Variants in AP3B1 observed in about 807,000 individuals in gnomAD.
AP3B1 encodes adaptor related protein complex 3 subunit beta 1, also known as AP-3 complex subunit beta-1.
Under a neutral mutation model 132.5 loss-of-function variants are expected in AP3B1, and 61 were observed. The observed-to-expected ratio is 0.46, with a 90% CI of 0.37 to 0.57. AP3B1 has a LOEUF of 0.57. Ranked by LOEUF, AP3B1 falls within the 20% of genes least tolerant of loss-of-function variation. AP3B1 has a pLI of 0.00. For synonymous variants in AP3B1, 388 were observed against 438.3 expected (o/e 0.89, Z 1.43); for missense variants, 1,120 against 1,289.4 (o/e 0.87, Z 2.01).
chr5:78,038,749 G>C (rs1258603210), intron 23 of AP3B1, among the ~76,000 whole-genome samples: 1 of 152,174 alleles, frequency 6.6e-6, no homozygotes, highest in Non-Finnish European at 1.5e-5. Context: ...GATGGGGAAA[G>C]GTGACACAGG....
intron 2 of AP3B1, among the ~76,000 whole-genome samples, chr5:78,241,267 T>A (rs906551199): frequency 6.6e-6 from 1 of 151,640 alleles, no homozygotes; most frequent in African/African-American, 2.4e-5. Context: ...GGCTCAATCA[T>A]AGCTCACGGC....
intron 1 of AP3B1, among the ~76,000 whole-genome samples, chr5:78,276,414 G>A (rs1748778228): frequency 6.6e-6 from 1 of 152,122 alleles, no homozygotes; most frequent in African/African-American, 2.4e-5. Context: ...CATAACTTGT[G>A]GGATGCAGCT....
intron 7 of AP3B1, among the ~76,000 whole-genome samples, chr5:78,212,293 CAAA>C (rs1313710161): frequency 6.6e-6 from 1 of 151,854 alleles, no homozygotes; most frequent in Non-Finnish European, 1.5e-5. Flanking sequence ...AAAAGGAAAA[CAAA>C]GAAGAAAAGA....
chr5:78,070,735 A>G (rs1012457840), intron 22 of AP3B1, among the ~76,000 whole-genome samples: 1 of 151,820 alleles, frequency 6.6e-6, no homozygotes, highest in Non-Finnish European at 1.5e-5. Context: ...AAAAAAAAAC[A>G]TTAAAAAGTG....
At chr5:78,185,099 C>A (rs1025586693) in intron 7 of AP3B1, among the ~76,000 whole-genome samples, 22 of 152,206 alleles carry the variant, frequency 1.4e-4, no homozygotes, top group African/African-American at 5.3e-4. Flanking sequence ...AAAAGAGAAT[C>A]TTATATCTAG....
intron 2 of AP3B1, among the ~76,000 whole-genome samples, chr5:78,249,905 G>T (rs1169939075): frequency 6.6e-6 from 1 of 152,064 alleles, no homozygotes; most frequent in Non-Finnish European, 1.5e-5. Flanking sequence ...CTAATGATCT[G>T]TCTTCAACTT....
chr5:78,079,524 C>A (rs1445978412), intron 22 of AP3B1, among the ~76,000 whole-genome samples: 1 of 151,728 alleles, frequency 6.6e-6, no homozygotes, highest in African/African-American at 2.4e-5. Flanking sequence ...ACGGTATATA[C>A]AAAGATTGAT....
chr5:78,216,717 T>C (rs1745977966), intron 6 of AP3B1, among the ~76,000 whole-genome samples: 2 of 152,150 alleles, frequency 1.3e-5, no homozygotes, highest in Non-Finnish European at 2.9e-5. Context: ...TTCATAAATT[T>C]TAATAGAAGA....
chr5:78,193,766 A>T (rs1279693711), intron 7 of AP3B1, among the ~76,000 whole-genome samples: 1,197 of 98,272 alleles, frequency 0.012, 36 homozygotes, highest in African/African-American at 0.037. Flanking sequence ...ATATATATAT[A>T]TATATTTTTT....
At chr5:78,149,989 C>T (rs1753577283) in intron 14 of AP3B1, among the ~76,000 whole-genome samples, 2 of 151,716 alleles carry the variant, frequency 1.3e-5, no homozygotes, top group African/African-American at 2.4e-5. Context: ...TACTAACACC[C>T]TAAGGGAAAG....
At chr5:78,106,793 T>G (rs1482557449) in intron 20 of AP3B1, among the ~76,000 whole-genome samples, 1 of 152,166 alleles carries the variant, frequency 6.6e-6, no homozygotes, top group Non-Finnish European at 1.5e-5. Flanking sequence ...TAGTCAGAGA[T>G]AATTCTGGGG....
intron 14 of AP3B1, among the ~76,000 whole-genome samples, chr5:78,152,595 G>A (rs1363703014): frequency 6.6e-6 from 1 of 151,834 alleles, no homozygotes; most frequent in East Asian, 1.9e-4. Context: ...GGTTTGGTTT[G>A]TTCTTGCTTT....
intron 15 of AP3B1, among the ~76,000 whole-genome samples, chr5:78,140,141 C>T (rs76774158): frequency 2.0e-5 from 3 of 152,120 alleles, no homozygotes; most frequent in South Asian, 2.1e-4. Flanking sequence ...GTCCCTATTT[C>T]GTACATGGAA....
At chr5:78,076,941 T>C (rs999266071) in intron 22 of AP3B1, among the ~76,000 whole-genome samples, 1 of 152,202 alleles carries the variant, frequency 6.6e-6, no homozygotes, top group African/African-American at 2.4e-5. Flanking sequence ...ATTGTAATCC[T>C]AAGCACAGTG....
intron 22 of AP3B1, among the ~76,000 whole-genome samples, chr5:78,051,050 C>T (rs1325600886): frequency 2.0e-5 from 3 of 152,104 alleles, no homozygotes; most frequent in African/African-American, 7.2e-5. Flanking sequence ...TCTGCAGACA[C>T]AACATTATTT....
chr5:78,151,150 C>A (rs1346104181), intron 14 of AP3B1, among the ~76,000 whole-genome samples: 1 of 152,166 alleles, frequency 6.6e-6, no homozygotes, highest in East Asian at 1.9e-4. Flanking sequence ...AACTCCTGAC[C>A]TCAGGTGATC....
chr5:78,232,476 C>T (rs1436838992), intron 3 of AP3B1, among the ~76,000 whole-genome samples: 2 of 152,166 alleles, frequency 1.3e-5, no homozygotes, highest in African/African-American at 4.8e-5. Context: ...GATATCAACC[C>T]ACTTAGGACC....
chr5:78,223,230 T>A (rs1472739629), intron 6 of AP3B1, among the ~76,000 whole-genome samples: 1 of 152,036 alleles, frequency 6.6e-6, no homozygotes, highest in Non-Finnish European at 1.5e-5. Flanking sequence ...AGGAACTCTG[T>A]GCTATACCAC....
intron 7 of AP3B1, among the ~76,000 whole-genome samples, chr5:78,182,325 G>GT (rs969222808): frequency 6.6e-6 from 1 of 152,182 alleles, no homozygotes; most frequent in African/African-American, 2.4e-5. Flanking sequence ...TTCAACTTCT[G>GT]TTTAGAGGTA....
Sources: allele counts gnomAD v4.1 joint callset (sites outside exome capture counted in the v4.1 genomes callset), GRCh38; gene constraint gnomAD v4.1.1; transcripts MANE v1.5; gene names NCBI Gene and HGNC (gene_info 2026-07-23, HGNC 2026-07-21).